Variants in TRAPPC12 observed in about 807,000 individuals in gnomAD.
TRAPPC12 encodes the protein TPR repeat protein 15.
A neutral mutation model predicts 69.2 loss-of-function variants in TRAPPC12; 61 were observed. The ratio of observed to expected loss-of-function variants is 0.88; its 90% confidence interval spans 0.72 to 1.09. The LOEUF is 1.09. TRAPPC12 is among the 50% of genes least tolerant of loss of function. The pLI is 0.00. For synonymous variants in TRAPPC12, 469 were observed against 438.9 expected, an observed-to-expected ratio of 1.07 and a Z score of -0.86; for missense variants, 1,101 against 1,016.4, an observed-to-expected ratio of 1.08 and a Z score of -1.13.
intron 5 of TRAPPC12, among the ~76,000 whole-genome samples, chr2:3,438,768 G>A (rs1043522287): frequency 2.6e-5 from 4 of 151,982 alleles, no homozygotes; most frequent in African/African-American, 7.3e-5. Context: ...TTGATAGTAC[G>A]TTTCTTATCT....
intron 5 of TRAPPC12, among the ~76,000 whole-genome samples, chr2:3,430,880 G>A (rs1308865883): frequency 6.6e-6 from 1 of 152,208 alleles, no homozygotes; most frequent in Non-Finnish European, 1.5e-5. Context: ...TCCGCTGGGT[G>A]TGGGAGGAGC....
At chr2:3,459,257 C>T (rs922986796) in intron 7 of TRAPPC12, among the ~76,000 whole-genome samples, 2 of 152,214 alleles carry the variant, frequency 1.3e-5, no homozygotes, top group Non-Finnish European at 2.9e-5. Flanking sequence ...TGGCACTTTG[C>T]AGTTGGAAGT....
intron 7 of TRAPPC12, 173 bp downstream of exon 7, chr2:3,457,866 G>A (rs2103133785): frequency 6.9e-7 from 1 of 1,440,200 alleles, no homozygotes; most frequent in African/African-American, 1.4e-5. Context: ...ACATCACTGG[G>A]TGATGCTGTG....
chr2:3,457,772 T>C (rs1403429305), intron 7 of TRAPPC12, 79 bp downstream of exon 7: 2 of 1,565,744 alleles, frequency 1.3e-6, no homozygotes, highest in Non-Finnish European at 1.7e-6. Flanking sequence ...TCGCTTCCTC[T>C]CCTTCTCCTT....
chr2:3,428,873 A>G (rs1572145720), intron 5 of TRAPPC12, among the ~76,000 whole-genome samples: 5 of 151,802 alleles, frequency 3.3e-5, no homozygotes, highest in Admixed American at 2.6e-4. Flanking sequence ...GGTAGCACTG[A>G]CTCTGACCTG....
intron 9 of TRAPPC12, chr2:3,472,641 T>C (rs145962154): frequency 6.6e-6 from 1 of 152,268 alleles, no homozygotes; most frequent in African/African-American, 2.4e-5. Flanking sequence ...CTGTTGTGCT[T>C]TAAAGGACAC....
At chr2:3,442,977 T>C (rs1055572041) in intron 5 of TRAPPC12, among the ~76,000 whole-genome samples, 3 of 152,272 alleles carry the variant, frequency 2.0e-5, no homozygotes, top group Non-Finnish European at 4.4e-5. Flanking sequence ...TATTTGATTT[T>C]TTGATGATTG....
At chr2:3,459,169 G>A (rs773715220) in intron 7 of TRAPPC12, among the ~76,000 whole-genome samples, 4 of 152,196 alleles carry the variant, frequency 2.6e-5, no homozygotes, top group African/African-American at 4.8e-5. Flanking sequence ...GGCAGCCAGG[G>A]ACACACGGCT....
At chr2:3,384,828 A>C (rs974814044) in intron 1 of TRAPPC12, among the ~76,000 whole-genome samples, 2 of 152,180 alleles carry the variant, frequency 1.3e-5, no homozygotes, top group Non-Finnish European at 2.9e-5. Context: ...TACTGTAGGA[A>C]TTATCTGTAC....
chr2:3,454,676 T>G (rs1665040951), intron 6 of TRAPPC12: 1 of 152,408 alleles, frequency 6.6e-6, no homozygotes, highest in Non-Finnish European at 1.5e-5. Context: ...CTCTGTTTCC[T>G]TTTTTCTAGA....
intron 3 of TRAPPC12, among the ~76,000 whole-genome samples, chr2:3,417,394 T>G (rs991449238): frequency 2.6e-5 from 4 of 151,566 alleles, no homozygotes; most frequent in Admixed American, 2.6e-4. Flanking sequence ...TCTGACCACG[T>G]GCAGTCTTTA....
At chr2:3,479,122 A>G (rs1666430863) in intron 11 of TRAPPC12, 97 bp from the exon 12 acceptor site, 2 of 1,552,098 alleles carry the variant, frequency 1.3e-6, no homozygotes, top group Admixed American at 1.9e-5. Flanking sequence ...GCTCTGCACC[A>G]CCCCCAGGCC....
At chr2:3,473,107 A>G (rs1014336162) in intron 9 of TRAPPC12, among the ~76,000 whole-genome samples, 1 of 152,242 alleles carries the variant, frequency 6.6e-6, no homozygotes, top group Non-Finnish European at 1.5e-5. Context: ...AGGCTTCTGC[A>G]CGGATGCAGC....
chr2:3,465,082 A>G (rs1000988048), intron 8 of TRAPPC12, among the ~76,000 whole-genome samples: 1 of 151,000 alleles, frequency 6.6e-6, no homozygotes, highest in Non-Finnish European at 1.5e-5. Context: ...GCCGACCTCC[A>G]TCACATACTC....
chr2:3,452,724 T>A (rs999441643), intron 6 of TRAPPC12, among the ~76,000 whole-genome samples: 1 of 152,170 alleles, frequency 6.6e-6, no homozygotes, highest in Non-Finnish European at 1.5e-5. Flanking sequence ...CACTTAATAT[T>A]TAATAGTCAG....
At chr2:3,404,006 A>G (rs1364877269) in intron 3 of TRAPPC12, among the ~76,000 whole-genome samples, 1 of 152,176 alleles carries the variant, frequency 6.6e-6, no homozygotes, top group East Asian at 1.9e-4. Context: ...GAATTCAGAC[A>G]AATCCTTATT....
chr2:3,406,908 G>A (rs1289028247), intron 3 of TRAPPC12, among the ~76,000 whole-genome samples: 5 of 152,096 alleles, frequency 3.3e-5, no homozygotes, highest in South Asian at 2.1e-4. Flanking sequence ...TGTTTCATAC[G>A]TTGGAAATAC....
chr2:3,477,303 G>A (rs1013386345), intron 9 of TRAPPC12, among the ~76,000 whole-genome samples: 2 of 152,194 alleles, frequency 1.3e-5, no homozygotes, highest in Admixed American at 6.5e-5. Context: ...CATTTTACTA[G>A]CCACAAGTAA....
At chr2:3,452,773 G>A (rs573461258) in intron 6 of TRAPPC12, among the ~76,000 whole-genome samples, 9 of 152,328 alleles carry the variant, frequency 5.9e-5, no homozygotes, top group African/African-American at 1.7e-4. Flanking sequence ...CCCACATATC[G>A]AAACCTTTCA....
Sources: allele counts gnomAD v4.1 joint callset (sites outside exome capture counted in the v4.1 genomes callset), GRCh38; gene constraint gnomAD v4.1.1; transcripts MANE v1.5; gene names NCBI Gene and HGNC (gene_info 2026-07-23, HGNC 2026-07-21).